The following CAAP1 variants were observed in gnomAD, a reference collection of about 807,000 sequenced individuals.
CAAP1 encodes caspase activity and apoptosis inhibitor 1.
Under a neutral mutation model 34.0 loss-of-function variants are expected in CAAP1, and 20 were observed. That is an observed-to-expected ratio of 0.59 (90% CI 0.41 to 0.86). CAAP1 has a LOEUF of 0.86. CAAP1 is among the 40% of genes least tolerant of loss of function. The pLI, the probability that CAAP1 is intolerant of heterozygous loss-of-function variation, is 0.00. For missense variants in CAAP1, 538 were observed against 450.5 expected, an observed-to-expected ratio of 1.19 and a Z score of -1.76; for synonymous variants, 213 against 166.7, an observed-to-expected ratio of 1.28 and a Z score of -2.14.
At chr9:26,862,873 C>A (rs1040616754) in intron 4 of CAAP1, among the ~76,000 whole-genome samples, 1 of 151,698 alleles carries the variant, frequency 6.6e-6, no homozygotes, top group African/African-American at 2.4e-5. Flanking sequence ...CACAATGTAA[C>A]ATATAGTGAA....
intron 4 of CAAP1, among the ~76,000 whole-genome samples, chr9:26,881,831 G>T (rs1320228294): frequency 6.6e-6 from 1 of 152,210 alleles, no homozygotes; most frequent in African/African-American, 2.4e-5. Flanking sequence ...GAACTTCCTA[G>T]AAACTTGTTA....
chr9:26,879,563 T>C (rs1475014738), intron 4 of CAAP1, among the ~76,000 whole-genome samples: 2 of 152,230 alleles, frequency 1.3e-5, no homozygotes, highest in South Asian at 2.1e-4. Context: ...TGTGAGGGTG[T>C]TGCCAAAGGA....
At chr9:26,854,218 G>A (rs1822817379) in intron 5 of CAAP1, among the ~76,000 whole-genome samples, 1 of 152,096 alleles carries the variant, frequency 6.6e-6, no homozygotes, top group Non-Finnish European at 1.5e-5. Context: ...AAAGCATTTT[G>A]CATGTATTAA....
intron 4 of CAAP1, among the ~76,000 whole-genome samples, chr9:26,863,390 A>G (rs1823051086): frequency 6.6e-6 from 1 of 152,182 alleles, no homozygotes; most frequent in Non-Finnish European, 1.5e-5. Flanking sequence ...AATCTATACT[A>G]GCTAATTTTT....
intron 5 of CAAP1, among the ~76,000 whole-genome samples, chr9:26,847,198 A>ATATATTTTTTTTTT: frequency 2.9e-5 from 1 of 34,708 alleles, no homozygotes; most frequent in Non-Finnish European, 5.0e-5. Flanking sequence ...AAAAAGCAAT[A>ATATATTTTTTTTTT]TTTTTTTTTT....
intron 5 of CAAP1, among the ~76,000 whole-genome samples, chr9:26,851,902 C>T (rs1822760767): frequency 6.6e-6 from 1 of 152,120 alleles, no homozygotes; most frequent in South Asian, 2.1e-4. Context: ...TCTACCCATC[C>T]TAGGAAAGTG....
intron 5 of CAAP1, among the ~76,000 whole-genome samples, chr9:26,857,276 G>A (rs1338283922): frequency 2.0e-5 from 3 of 152,206 alleles, no homozygotes; most frequent in African/African-American, 7.2e-5. Context: ...CTGTGCTAAT[G>A]AGTAAAAACT....
At chr9:26,891,335 T>G (rs189022308) in intron 1 of CAAP1, among the ~76,000 whole-genome samples, 1 of 152,194 alleles carries the variant, frequency 6.6e-6, no homozygotes, top group South Asian at 2.1e-4. Context: ...GCAATTTTTT[T>G]AAAAAATGCC....
At position 26,842,435 on chromosome 9, in the gene CAAP1, C is replaced by T. The variant is rs1381718890; in HGVS notation, c.952G>A (p.Ala318Thr). 2 of 1,614,010 alleles carry T rather than the reference C, an allele frequency of 1.2e-6. No homozygotes were observed. The highest frequency in any genetic ancestry group is 2.7e-5 in the African/African-American group (2 of 74,908). The change falls in exon 6 of 6, where the codon GCA becomes ACA. Residue 318 changes from alanine (A) to threonine (T), a missense_variant. This residue lies in a region of CAAP1 where 514 missense variants were observed against 408.4 expected (regional missense o/e 1.26). Coordinates refer to ENST00000333916, the MANE Select transcript of CAAP1 (RefSeq NM_024828.4). ...GGTGGAGGAACAGCCAGGGTGGCTG[C>T]TTTGGGTTCGTTTGGGCTAGACTCT... is the stretch of plus-strand genomic sequence containing the variant. ...LAESSPNEPK[A>T]ATLAVPPPED...
At chr9:26,847,641 A>G (rs771156091) in intron 5 of CAAP1, among the ~76,000 whole-genome samples, 19 of 151,480 alleles carry the variant, frequency 1.3e-4, no homozygotes, top group Admixed American at 3.9e-4. Flanking sequence ...CCCTTTGCCC[A>G]TGTTTTTGTT....
intron 5 of CAAP1, among the ~76,000 whole-genome samples, chr9:26,860,208 C>G (rs1200897882): frequency 6.6e-6 from 1 of 152,094 alleles, no homozygotes; most frequent in African/African-American, 2.4e-5. Context: ...ATTTTACTTT[C>G]AATTCTTCCT....
chr9:26,868,284 A>G lies in CAAP1; in HGVS notation c.666-7145T>C, dbSNP rs140911527. Among the ~76,000 whole-genome samples, 460 of 152,314 alleles carry G rather than the reference A, an allele frequency of 3.0e-3. 1 individual carries two copies. The highest frequency in any genetic ancestry group is 0.014 in the Middle Eastern group (4 of 294). On this transcript the variant is annotated intron_variant, in intron 4 of 5. Coordinates refer to ENST00000333916, the MANE Select transcript of CAAP1 (RefSeq NM_024828.4). ...TATCTTGCATTATTCTGATGAGCCC[A>G]ATGTGGTCACAGTAATCATTTTATA...
intron 4 of CAAP1, among the ~76,000 whole-genome samples, chr9:26,863,507 T>C (rs1416204062): frequency 6.6e-6 from 1 of 152,160 alleles, no homozygotes; most frequent in Non-Finnish European, 1.5e-5. Context: ...ATATCTTAAA[T>C]TGTAAGAAAA....
chr9:26,881,944 A>T (rs955451972), intron 4 of CAAP1, among the ~76,000 whole-genome samples: 1 of 151,980 alleles, frequency 6.6e-6, no homozygotes, highest in Non-Finnish European at 1.5e-5. Flanking sequence ...AGTAAAGGTG[A>T]CTCTTGCTAT....
chr9:26,888,548 T>C (rs1414799), intron 1 of CAAP1, among the ~76,000 whole-genome samples: 6,444 of 152,284 alleles, frequency 0.042, 466 homozygotes, highest in African/African-American at 0.15. Context: ...AATGGGTCAG[T>C]TTTAATGAAC....
chr9:26,849,753 T>C (rs1822700227), intron 5 of CAAP1, among the ~76,000 whole-genome samples: 1 of 152,192 alleles, frequency 6.6e-6, no homozygotes, highest in African/African-American at 2.4e-5. Flanking sequence ...AGTGCCTTTG[T>C]AGAACCCAAA....
rs867360044 is a variant in CAAP1, at chr9:26,869,207, T to A, written c.666-8068A>T. Among the ~76,000 whole-genome samples the A allele has an allele frequency of 4.8e-4, 73 of 151,898 alleles. 1 individual carries two copies. The highest frequency in any genetic ancestry group is 3.4e-3 in the Middle Eastern group (1 of 292). On this transcript the variant is annotated intron_variant, in intron 4 of 5. Transcript: ENST00000333916. ...ATAATAAAAAGTAAAAAAAAATAAATAAACCAAAATAAAACCTAATACGGT... is the reference window on the plus strand; with the variant it reads ...ATAATAAAAAGTAAAAAAAAATAAAAAAACCAAAATAAAACCTAATACGGT...
intron 4 of CAAP1, among the ~76,000 whole-genome samples, chr9:26,875,714 G>A (rs953782290): frequency 2.0e-5 from 3 of 151,610 alleles, no homozygotes; most frequent in Admixed American, 1.3e-4. Flanking sequence ...GTAGTGCACT[G>A]AAATACAATG....
intron 5 of CAAP1, among the ~76,000 whole-genome samples, chr9:26,853,606 T>C (rs952881260): frequency 1.3e-5 from 2 of 152,188 alleles, no homozygotes; most frequent in African/African-American, 4.8e-5. Context: ...TGCTGTCAAA[T>C]GCCGCTGATG....
Sources: allele counts gnomAD v4.1 joint callset (sites outside exome capture counted in the v4.1 genomes callset), GRCh38; gene constraint gnomAD v4.1.1; regional missense constraint gnomAD v4.1.1; transcripts MANE v1.5; gene names NCBI Gene and HGNC (gene_info 2026-07-23, HGNC 2026-07-21).